Variants in ARHGAP44 observed in about 807,000 individuals in gnomAD.
ARHGAP44 encodes the protein rho GTPase-activating protein 44.
A neutral mutation model predicts 106.8 loss-of-function variants in ARHGAP44; 43 were observed. The observed-to-expected ratio is 0.40, with a 90% CI of 0.32 to 0.52. The LOEUF (loss-of-function observed/expected upper bound fraction) is 0.52. Among genes scored for constraint, ARHGAP44 ranks in the 20% least tolerant of loss-of-function variants. The probability of loss-of-function intolerance (pLI) is 0.48; values close to 1 mark genes in which losing one functional copy is unlikely to be tolerated. For synonymous variants in ARHGAP44, 439 were observed against 410.3 expected (o/e 1.07, Z -0.85); for missense variants, 866 against 1,050.5 (o/e 0.82, Z 2.43).
chr17:12,954,747 T>G (rs1259774291), intron 13 of ARHGAP44, among the ~76,000 whole-genome samples: 1 of 152,172 alleles, frequency 6.6e-6, no homozygotes, highest in Non-Finnish European at 1.5e-5. Flanking sequence ...TCTGGCAGAT[T>G]TTTAGTGTGG....
Position 12,955,912 on chromosome 17 carries a change from A to C in ARHGAP44, c.1182A>C (p.Val394=). 1 of 1,613,604 alleles carries C rather than the reference A, an allele frequency of 6.2e-7. No individual in the cohort carries two copies. Among genetic ancestry groups the C allele is most frequent in the Non-Finnish European group, 8.5e-7 (1 of 1,179,822 alleles). Residue 394 remains valine (V), a synonymous_variant, in exon 14 of 21, where the codon GTA becomes GTC. Coordinates refer to ENST00000379672, the MANE Select transcript of ARHGAP44 (RefSeq NM_014859.6). ...FLSKLSEYQD[V]NKMTPSNMAI... Reference sequence around the variant, plus strand: ...CCAAGCTGTCAGAATATCAAGATGTAAACAAGATGACTCCCAGTAATATGG... The same window carrying C: ...CCAAGCTGTCAGAATATCAAGATGTCAACAAGATGACTCCCAGTAATATGG...
At chr17:12,931,463 A>C (rs993016964) in intron 7 of ARHGAP44, among the ~76,000 whole-genome samples, 1 of 151,850 alleles carries the variant, frequency 6.6e-6, no homozygotes, top group Non-Finnish European at 1.5e-5. Flanking sequence ...ACATCTCTCT[A>C]GGTTAGTAGC....
At chr17:12,883,695 C>G (rs2036803190) in intron 1 of ARHGAP44, among the ~76,000 whole-genome samples, 1 of 152,124 alleles carries the variant, frequency 6.6e-6, no homozygotes. Flanking sequence ...ACACTGGGGT[C>G]AGAGAACATC....
At chr17:12,841,594 T>TCTCTCTCTCTCACACACACACACACACA (rs1417307080) in intron 1 of ARHGAP44, among the ~76,000 whole-genome samples, 20 of 126,576 alleles carry the variant, frequency 1.6e-4, no homozygotes, top group East Asian at 7.8e-4. Context: ...TGTCTCTCTC[T>TCTCTCTCTCTCACACACACACACACACA]CACACACACA....
intron 12 of ARHGAP44, among the ~76,000 whole-genome samples, chr17:12,950,952 T>A (rs2038978567): frequency 6.6e-6 from 1 of 152,146 alleles, no homozygotes; most frequent in Non-Finnish European, 1.5e-5. Context: ...TTTGAAGAAC[T>A]GGGCCTGAAA....
At chr17:12,898,288 G>T (rs1442118960) in intron 3 of ARHGAP44, among the ~76,000 whole-genome samples, 5 of 152,170 alleles carry the variant, frequency 3.3e-5, no homozygotes, top group Non-Finnish European at 7.3e-5. Flanking sequence ...CAGCCCCTTA[G>T]AGGAGGTTGT....
Position 12,867,977 on chromosome 17 carries a change from C to T in ARHGAP44, c.54-26963C>T, listed in dbSNP as rs190738036. Among the ~76,000 whole-genome samples, 1,305 of 152,288 alleles carry T rather than the reference C, an allele frequency of 8.6e-3. 5 individuals are homozygous for T. The highest frequency in any genetic ancestry group is 0.014 in the Non-Finnish European group (927 of 68,026). On this transcript the variant is annotated intron_variant, in intron 1 of 20. Transcript: ENST00000379672. ...AATCAACCCTTATAACCACAAAGGT[C>T]CCAGAGCCCTCAGAATTTGCAGTGA... is the stretch of plus-strand genomic sequence containing the variant.
At position 12,974,085 on chromosome 17, in the gene ARHGAP44, C is replaced by T. The variant is rs1216445815; in HGVS notation, c.1542-4C>T. ...GTAAGCGGTGTCTTTGTGTCCCTCG[C>T]CAGCATGGGTGTGAGGGTCATGGAC... On this transcript the variant is annotated splice_region_variant and splice_polypyrimidine_tract_variant and intron_variant, in intron 17 of 20. Coordinates refer to ENST00000379672, the MANE Select transcript of ARHGAP44 (RefSeq NM_014859.6). The T allele has an allele frequency of 7.7e-6, 12 of 1,560,334 alleles. No homozygotes were observed. Among genetic ancestry groups the T allele is most frequent in the Non-Finnish European group, 1.0e-5 (12 of 1,152,076 alleles).
At chr17:12,989,643 T>G (rs1026830028) in intron 20 of ARHGAP44, among the ~76,000 whole-genome samples, 3 of 152,120 alleles carry the variant, frequency 2.0e-5, no homozygotes, top group African/African-American at 7.2e-5. Context: ...GTCCACTGTC[T>G]CACGTCCTGT....
At position 12,949,773 on chromosome 17, in the gene ARHGAP44, A is replaced by G; in HGVS notation, c.1055+43A>G. On this transcript the variant is annotated intron_variant, in intron 12 of 20. Transcript: ENST00000379672. The surrounding 1 kb of genome is among the most constrained non-coding windows in gnomAD (Gnocchi z 4.1). Reference sequence around the variant, plus strand: ...TGGAATGTCCTGTGAGTTACAGTTTATTTGGGAGTATGTGCTGAAATTATA... The same window carrying G: ...TGGAATGTCCTGTGAGTTACAGTTTGTTTGGGAGTATGTGCTGAAATTATA... 1 of 1,557,130 alleles carries G rather than the reference A, an allele frequency of 6.4e-7. No individual in the cohort carries two copies. Among genetic ancestry groups the G allele is most frequent in the Non-Finnish European group, 8.8e-7 (1 of 1,131,400 alleles).
In ARHGAP44 at chr17:12,897,164, T is replaced by G. The variant is rs573727623; in HGVS notation, c.198+653T>G. On this transcript the variant is annotated intron_variant, in intron 3 of 20. Transcript: ENST00000379672. ...CCCCACCAAAGATTAAAAGATATTCTTAGACATTCACTTGGCTTTATTACA... is the reference window on the plus strand; with the variant it reads ...CCCCACCAAAGATTAAAAGATATTCGTAGACATTCACTTGGCTTTATTACA... 1.4e-4 allele frequency among the ~76,000 whole-genome samples: 22 copies of G among 152,328 alleles called. No individual in the cohort carries two copies. In the South Asian group the frequency reaches 4.6e-3, roughly 32 times the overall value.
At chr17:12,901,513 G>A (rs1177480431) in intron 3 of ARHGAP44, among the ~76,000 whole-genome samples, 1 of 152,130 alleles carries the variant, frequency 6.6e-6, no homozygotes, top group Non-Finnish European at 1.5e-5. Flanking sequence ...GAGATGCAAC[G>A]AGGACCTGAA....
intron 16 of ARHGAP44, among the ~76,000 whole-genome samples, chr17:12,959,959 A>C (rs1466900902): frequency 6.6e-6 from 1 of 152,232 alleles, no homozygotes; most frequent in Non-Finnish European, 1.5e-5. Flanking sequence ...TGAAAATCCA[A>C]GAACTGTTAG....
At chr17:12,981,814 C>G (rs1033853165) in intron 19 of ARHGAP44, among the ~76,000 whole-genome samples, 2 of 151,462 alleles carry the variant, frequency 1.3e-5, no homozygotes, top group Admixed American at 1.3e-4. Flanking sequence ...AGTTTGAGAC[C>G]AGACTGGACA....
chr17:12,918,630 T>C (rs1487417902), intron 5 of ARHGAP44, among the ~76,000 whole-genome samples: 2 of 152,226 alleles, frequency 1.3e-5, no homozygotes, highest in African/African-American at 4.8e-5. Context: ...TCTATAAATA[T>C]AAACATTTGC....
chr17:12,859,457 G>A (rs182929503), intron 1 of ARHGAP44, among the ~76,000 whole-genome samples: 19 of 152,274 alleles, frequency 1.2e-4, no homozygotes, highest in Non-Finnish European at 1.9e-4. Context: ...GCATGAACCC[G>A]TTTCTCCATC....
intron 20 of ARHGAP44, among the ~76,000 whole-genome samples, chr17:12,989,653 T>A (rs1262068651): frequency 6.6e-6 from 1 of 152,106 alleles, no homozygotes; most frequent in African/African-American, 2.4e-5. Flanking sequence ...TCACGTCCTG[T>A]CCCTGCAGAT....
intron 1 of ARHGAP44, among the ~76,000 whole-genome samples, chr17:12,864,728 G>A (rs1045100822): frequency 1.1e-4 from 16 of 152,138 alleles, no homozygotes; most frequent in Non-Finnish European, 1.6e-4. Flanking sequence ...TAAGGAGAGA[G>A]AAGAGTACTT....
At chr17:12,903,617 AG>A (rs1379862836) in intron 3 of ARHGAP44, among the ~76,000 whole-genome samples, 4 of 152,156 alleles carry the variant, frequency 2.6e-5, no homozygotes, top group Non-Finnish European at 1.5e-5. Context: ...TTATTTCAAT[AG>A]GTTTTTGGGG....
Sources: gnomAD v4.1 joint callset for allele counts (sites outside exome capture counted in the v4.1 genomes callset) on GRCh38, gnomAD v4.1.1 for gene constraint, Gnocchi (gnomAD v3.1) non-coding constraint, MANE v1.5 for transcripts, NCBI Gene and HGNC (gene_info 2026-07-23, HGNC 2026-07-21) for gene names.